The following KPRP variants were observed in gnomAD, a reference collection of about 807,000 sequenced individuals.
The protein encoded by KPRP is keratinocyte proline rich protein.
For synonymous variants in KPRP, 282 were observed against 276.9 expected, an observed-to-expected ratio of 1.02 and a Z score of -0.18; for missense variants, 820 against 746.4, an observed-to-expected ratio of 1.10 and a Z score of -1.15.
exon 1 of KPRP, chr1:152,760,939 C>A (rs1365256819): frequency 6.2e-7 from 1 of 1,613,120 alleles, no homozygotes; most frequent in Non-Finnish European, 8.5e-7. Flanking sequence ...TCCCCTTCCT[C>A]GCCCAGGGCA....
At chr1:152,761,034 G>A (rs138516775) in exon 1 of KPRP, 63 of 1,613,264 alleles carry the variant, frequency 3.9e-5, no homozygotes, top group Non-Finnish European at 5.0e-5. Flanking sequence ...TTCCCCTGCC[G>A]GCGCCCTGCC....
At chr1:152,760,024 G>A (rs1484748710) in exon 1 of KPRP, 1 of 1,614,166 alleles carries the variant, frequency 6.2e-7, no homozygotes, top group Non-Finnish European at 8.5e-7. Context: ...AACTTGTTAT[G>A]TAGAATGCCC....
upstream of KPRP, among the ~76,000 whole-genome samples, chr1:152,758,590 T>C (rs867054787): frequency 2.0e-5 from 3 of 152,202 alleles, no homozygotes; most frequent in African/African-American, 7.2e-5. Flanking sequence ...GAGGCTGCCC[T>C]GTGCTCTCCC....
chr1:152,760,780 C>G, exon 1 of KPRP: 1 of 1,614,202 alleles, frequency 6.2e-7, no homozygotes. Flanking sequence ...ACCACTGCAG[C>G]GATGTCCACC....
At chr1:152,760,664 C>T (rs1376439402) in exon 1 of KPRP, 4 of 1,612,010 alleles carry the variant, frequency 2.5e-6, no homozygotes, top group Admixed American at 3.3e-5. Context: ...AGCTGTGGCC[C>T]GCAGCCCTCC....
Position 152,760,341 on chromosome 1 carries a change from C to G in KPRP, c.753C>G (p.Ser251Arg), listed in dbSNP as rs1409259848. ...TCACTGAACAGCACCGCTCTCGGAG[C>G]ACCAGCAGATGCCTTCCTCCTCCTC... is the stretch of plus-strand genomic sequence containing the variant. Residue 251 changes from serine to arginine, a missense_variant, in exon 1 of 1, where the codon AGC (serine) becomes AGG (arginine). Coordinates refer to ENST00000606109, the Ensembl canonical transcript of KPRP. The G allele has an allele frequency of 2.5e-6, 4 of 1,614,216 alleles. No homozygotes were observed. The Admixed American group carries it at 6.7e-5, about 27-fold the overall frequency.
upstream of KPRP, chr1:152,759,489 G>A: frequency 2.7e-6 from 4 of 1,491,798 alleles, no homozygotes; most frequent in Non-Finnish European, 3.6e-6. Flanking sequence ...GAAGATGCAG[G>A]GTGTCTTCCT....
exon 1 of KPRP, chr1:152,760,339 A>G (rs756720213): frequency 6.2e-7 from 1 of 1,614,044 alleles, no homozygotes; most frequent in South Asian, 1.1e-5. Flanking sequence ...CCGCTCTCGG[A>G]GCACCAGCAG....
upstream of KPRP, among the ~76,000 whole-genome samples, chr1:152,758,895 C>T (rs1411124865): frequency 1.3e-5 from 2 of 152,196 alleles, no homozygotes; most frequent in Non-Finnish European, 2.9e-5. Context: ...CATGGGCACA[C>T]TTTGCACGTG....
chr1:152,761,487 T>A, exon 1 of KPRP: 1 of 1,377,450 alleles, frequency 7.3e-7, no homozygotes, highest in Non-Finnish European at 9.7e-7. Flanking sequence ...CATCCAAAGA[T>A]CCACACCTGG....
upstream of KPRP, chr1:152,759,547 C>A: frequency 6.3e-7 from 1 of 1,586,946 alleles, no homozygotes; most frequent in Non-Finnish European, 8.6e-7. Context: ...TGACCCTGGT[C>A]TCTTTGCCCT....
exon 1 of KPRP, chr1:152,761,889 G>C (rs961047487): frequency 5.9e-6 from 1 of 168,592 alleles, no homozygotes; most frequent in African/African-American, 2.4e-5. Context: ...ACTCCCAACT[G>C]AGTGGAGTCG....
At chr1:152,759,347 G>C (rs1651033026), upstream of KPRP, among the ~76,000 whole-genome samples, 1 of 152,194 alleles carries the variant, frequency 6.6e-6, no homozygotes, top group Non-Finnish European at 1.5e-5. Flanking sequence ...TCCACCCCCA[G>C]GGAGATCCTG....
rs117616901 is a variant in KPRP at position 152,759,738 on chromosome 1, A to C, written c.150A>C (p.Ala50=). Reference sequence around the variant, plus strand: ...AGATGCAAATTGTGGACTGCCCTGCATCATGCCCAGTTCAAGTTTGCCAGG... The same window carrying C: ...AGATGCAAATTGTGGACTGCCCTGCCTCATGCCCAGTTCAAGTTTGCCAGG... The change falls in exon 1 of 1, where the codon GCA becomes GCC. Residue 50 remains alanine, a synonymous_variant. Coordinates refer to ENST00000606109, the Ensembl canonical transcript of KPRP. The C allele has an allele frequency of 1.4e-4, 221 of 1,614,148 alleles. 2 individuals carry two copies. The East Asian group carries it at 4.9e-3, about 36-fold the overall frequency.
At chr1:152,761,515 A>G in exon 1 of KPRP, 7 of 1,130,486 alleles carry the variant, frequency 6.2e-6, no homozygotes, top group South Asian at 1.7e-5. Flanking sequence ...ATGCCTCTCC[A>G]GCCTCACGTG....
At position 152,760,814 on chromosome 1, in the gene KPRP, G is replaced by A. The variant is rs763096836; in HGVS notation, c.1226G>A (p.Arg409His). Reference sequence around the variant, plus strand: ...CCTCCTGCTCCACGTCCACGTCTGCGCCCAGAACCATGCATAAGTCTAGAA... The same window carrying A: ...CCTCCTGCTCCACGTCCACGTCTGCACCCAGAACCATGCATAAGTCTAGAA... The change falls in exon 1 of 1, where the codon CGC becomes CAC. Residue 409 changes from arginine (R) to histidine (H), a missense_variant. Arg to His is a conservative substitution (Grantham distance 29). Coordinates refer to ENST00000606109, the Ensembl canonical transcript of KPRP. 1 of 1,614,100 alleles carries A rather than the reference G, an allele frequency of 6.2e-7. No homozygotes were observed. Among genetic ancestry groups the A allele is most frequent in the Non-Finnish European group, 8.5e-7 (1 of 1,180,006 alleles).
chr1:152,759,568 T>C, exon 1 of KPRP: 1 of 1,607,060 alleles, frequency 6.2e-7, no homozygotes, highest in East Asian at 2.2e-5. Flanking sequence ...CAGGTCACTC[T>C]TGACTGGCTG....
chr1:152,761,392 T>G lies in KPRP; in HGVS notation c.*64T>G, dbSNP rs535466779. On this transcript the variant is annotated 3_prime_UTR_variant, in exon 1 of 1. Transcript: ENST00000606109. ...AAATGTTGTTCCTCCTATTCCACAATTTCCAGTACGCTCTTGTTTGAATCT... is the reference window on the plus strand; with the variant it reads ...AAATGTTGTTCCTCCTATTCCACAAGTTCCAGTACGCTCTTGTTTGAATCT... 3.5e-5 allele frequency: 54 copies of G among 1,537,808 alleles called. 1 individual carries two copies. The South Asian group carries it at 6.6e-4, about 19-fold the overall frequency.
Position 152,759,672 on chromosome 1 carries a change from C to A in KPRP, c.84C>A (p.Ser28=), listed in dbSNP as rs1460909244. Residue 28 remains serine (S), a synonymous_variant, in exon 1 of 1, where the codon TCC becomes TCA. Transcript: ENST00000606109. ...GTCCCTCCTTCTGCTCCTCTCAATC[C>A]CCCTTTGCCCAGAGCCAAGTGGTGG... 3 of 1,614,042 alleles carry A rather than the reference C, an allele frequency of 1.9e-6. No individual in the cohort carries two copies. In the Admixed American group the frequency reaches 5.0e-5, roughly 27 times the overall value.
Sources: gnomAD v4.1 joint callset for allele counts (sites outside exome capture counted in the v4.1 genomes callset) on GRCh38, gnomAD v4.1.1 for gene constraint, MANE v1.5 for transcripts, NCBI Gene and HGNC (gene_info 2026-07-23, HGNC 2026-07-21) for gene names.